The following BRWD1 variants were observed in gnomAD, a reference collection of about 807,000 sequenced individuals.
The protein encoded by BRWD1 is bromodomain and WD repeat-containing protein 1.
In BRWD1, 82 loss-of-function variants were observed where a neutral mutation model predicts 251.2. That is an observed-to-expected ratio of 0.33 (90% confidence interval 0.27 to 0.39). The LOEUF (loss-of-function observed/expected upper bound fraction) is 0.39. BRWD1 is among the 10% of genes least tolerant of loss of function. The probability of loss-of-function intolerance (pLI) is 1.00; values close to 1 mark genes in which losing one functional copy is unlikely to be tolerated. For missense variants in BRWD1, 2,233 were observed against 2,711.6 expected, an observed-to-expected ratio of 0.82 and a Z score of 3.92; for synonymous variants, 918 against 902.8, an observed-to-expected ratio of 1.02 and a Z score of -0.30.
chr21:39,297,457 C>G, intron 5 of BRWD1: 1 of 950,682 alleles, frequency 1.1e-6, no homozygotes, highest in Non-Finnish European at 1.3e-6. Context: ...CACAAAACAA[C>G]GACATGGAGC....
chr21:39,226,359 T>C (rs1177611376), intron 27 of BRWD1, among the ~76,000 whole-genome samples: 2 of 151,858 alleles, frequency 1.3e-5, no homozygotes, highest in Non-Finnish European at 2.9e-5. Context: ...CACGCAAAAA[T>C]GGGGAAGCAA....
At chr21:39,314,681 G>C (rs930959978), upstream of BRWD1, 2 of 263,750 alleles carry the variant, frequency 7.6e-6, no homozygotes, top group African/African-American at 4.6e-5. Context: ...TGGTGTCCCT[G>C]CCTTCCTGGA....
chr21:39,313,805 C>T (rs1293209285), upstream of BRWD1: 19 of 367,876 alleles, frequency 5.2e-5, no homozygotes, highest in East Asian at 1.3e-3. Flanking sequence ...GAAAGTGACG[C>T]GGAGGCAAAG....
intron 23 of BRWD1, among the ~76,000 whole-genome samples, chr21:39,233,506 G>A (rs2033698460): frequency 6.6e-6 from 1 of 152,056 alleles, no homozygotes; most frequent in Non-Finnish European, 1.5e-5. Context: ...AGACAGACAT[G>A]TAAAATGAAA....
chr21:39,255,957 G>C (rs1386819895), intron 18 of BRWD1, 129 bp from the exon 19 acceptor site: 1 of 839,366 alleles, frequency 1.2e-6, no homozygotes, highest in Non-Finnish European at 1.8e-6. Context: ...AGTATCTACT[G>C]AAAAAACTTT....
At chr21:39,284,422 G>A (rs986918342) in intron 8 of BRWD1, among the ~76,000 whole-genome samples, 3 of 152,188 alleles carry the variant, frequency 2.0e-5, no homozygotes, top group South Asian at 4.1e-4. Flanking sequence ...GAGGCCAAGC[G>A]AGCTATGATT....
In BRWD1 at chr21:39,191,433, G is replaced by C. The variant is rs751700234; in HGVS notation, c.*4826C>G. 83 of 984,150 alleles carry C rather than the reference G, an allele frequency of 8.4e-5. No homozygotes were observed. Among genetic ancestry groups the C allele is most frequent in the Non-Finnish European group, 9.9e-5 (82 of 828,990 alleles). 61.0% of individuals were successfully genotyped at this position (984,150 alleles called of 1,614,324 possible). A position where few individuals can be genotyped will look rare whatever the true frequency, so the allele number is the denominator to read the frequency against. On this transcript the variant is annotated 3_prime_UTR_variant, in exon 41 of 41. Coordinates refer to ENST00000342449, the MANE Select transcript of BRWD1 (RefSeq NM_033656.4). ...GTTTTTTAACTCTTTTGCTTGTTAA[G>C]ATGAAAATGCTAAATTTATTATATC...
rs190363750 is a variant in BRWD1, at chr21:39,291,027, G to C, written c.831+2784C>G. Among the ~76,000 whole-genome samples the C allele has an allele frequency of 1.8e-3, 279 of 152,232 alleles. 3 individuals carry two copies. Among genetic ancestry groups the C allele is most frequent in the African/African-American group, 6.2e-3 (258 of 41,544 alleles). On this transcript the variant is annotated intron_variant, in intron 8 of 40. Transcript: ENST00000342449. ...CACCTGTGGCCCTAGCTACTCGAGA[G>C]GTTGAGATGGGCAGACCTTGACCCC...
upstream of BRWD1, chr21:39,313,884 C>T (rs577089632): frequency 2.0e-3 from 638 of 323,470 alleles, 2 homozygotes; most frequent in Non-Finnish European, 3.1e-3. Flanking sequence ...CGCAATGAGG[C>T]GGCTGCCCGG....
intron 21 of BRWD1, among the ~76,000 whole-genome samples, chr21:39,244,318 C>T (rs944686480): frequency 5.3e-5 from 8 of 152,132 alleles, no homozygotes; most frequent in Non-Finnish European, 1.0e-4. Flanking sequence ...CCCACCTCGG[C>T]CTCCCAGAGT....
chr21:39,270,661 C>T (rs576290649), intron 13 of BRWD1, among the ~76,000 whole-genome samples: 1 of 152,318 alleles, frequency 6.6e-6, no homozygotes, highest in African/African-American at 2.4e-5. Context: ...TGAATAAGGG[C>T]AGATTTTAGG....
chr21:39,283,539 T>C (rs574842930), intron 8 of BRWD1, among the ~76,000 whole-genome samples: 1 of 152,346 alleles, frequency 6.6e-6, no homozygotes, highest in Admixed American at 6.5e-5. Flanking sequence ...TTATTGCTGG[T>C]GTACAATAAA....
At chr21:39,215,062 G>C (rs1175430253) in intron 32 of BRWD1, among the ~76,000 whole-genome samples, 175 bp downstream of exon 32, 1 of 4,756 alleles carries the variant, frequency 2.1e-4, no homozygotes, top group Non-Finnish European at 3.6e-4. Context: ...GTAGAGCCGG[G>C]GTTTCACCAT....
At chr21:39,317,129 C>T (rs890299074), upstream of BRWD1, 7 of 152,202 alleles carry the variant, frequency 4.6e-5, no homozygotes, top group African/African-American at 1.7e-4. Context: ...TCATATTTGC[C>T]TGCCAGGAGG....
chr21:39,313,159 AC>A (rs2036570400), intron 2 of BRWD1, 58 bp from the exon 3 acceptor site: 4 of 1,483,772 alleles, frequency 2.7e-6, no homozygotes, highest in East Asian at 2.8e-5. Flanking sequence ...CTCCCGTTTC[AC>A]CCCCGCCCAC....
intron 5 of BRWD1, chr21:39,297,060 C>T: frequency 1.0e-6 from 1 of 985,360 alleles, no homozygotes; most frequent in Non-Finnish European, 1.2e-6. Flanking sequence ...TACGTAGGAT[C>T]TGTGACTCTG....
Position 39,264,798 on chromosome 21 carries a change from A to G in BRWD1, c.1659+93T>C. The G allele has an allele frequency of 3.9e-6, 6 of 1,539,502 alleles. No homozygotes were observed. The South Asian group carries it at 7.1e-5, about 18-fold the overall frequency. ...AACAAGGAAATCAAATCACTCAGCT[A>G]AACTGTTTCCAAAACATAGCTCATA... On this transcript the variant is annotated intron_variant, in intron 16 of 40. Coordinates refer to ENST00000342449, the MANE Select transcript of BRWD1 (RefSeq NM_033656.4).
At chr21:39,310,365 A>G (rs1426805745) in intron 4 of BRWD1, among the ~76,000 whole-genome samples, 1 of 150,984 alleles carries the variant, frequency 6.6e-6, no homozygotes, top group Non-Finnish European at 1.5e-5. Flanking sequence ...AAAATATAAA[A>G]ATTAGCCAGG....
intron 15 of BRWD1, among the ~76,000 whole-genome samples, chr21:39,265,969 T>C (rs975251246): frequency 5.3e-5 from 8 of 152,230 alleles, no homozygotes; most frequent in African/African-American, 1.7e-4. Context: ...TTTAATATCA[T>C]CAATTTATAG....
Sources: gnomAD v4.1 joint callset for allele counts (sites outside exome capture counted in the v4.1 genomes callset) on GRCh38, gnomAD v4.1.1 for gene constraint, MANE v1.5 for transcripts, NCBI Gene and HGNC (gene_info 2026-07-23, HGNC 2026-07-21) for gene names.